Variants in PAM observed in about 807,000 individuals in gnomAD.
The protein encoded by PAM is peptidylglycine alpha-amidating monooxygenase, also known as peptidyl-glycine alpha-amidating monooxygenase.
A neutral mutation model predicts 122.1 loss-of-function variants in PAM; 72 were observed. The observed-to-expected ratio is 0.59, with a 90% CI of 0.49 to 0.72. PAM has a LOEUF of 0.72. Among genes scored for constraint, PAM ranks in the 30% least tolerant of loss-of-function variants. The pLI, the probability that PAM is intolerant of heterozygous loss-of-function variation, is 0.00. For synonymous variants in PAM, 389 were observed against 404.4 expected (o/e 0.96, Z 0.46); for missense variants, 1,106 against 1,183.7 (o/e 0.93, Z 0.96).
intron 3 of PAM, among the ~76,000 whole-genome samples, chr5:102,869,763 C>T (rs559040079): frequency 3.4e-4 from 51 of 151,938 alleles, no homozygotes; most frequent in African/African-American, 1.2e-3. Context: ...AGCTCTGATG[C>T]CGTAAGTACT....
intron 12 of PAM, among the ~76,000 whole-genome samples, chr5:102,951,203 C>T (rs187079306): frequency 2.6e-4 from 39 of 152,090 alleles, no homozygotes; most frequent in Admixed American, 2.5e-3. Context: ...CTATTAAATA[C>T]TCAGAACCAT....
At chr5:102,888,352 C>G (rs963740271) in intron 3 of PAM, among the ~76,000 whole-genome samples, 16 of 151,856 alleles carry the variant, frequency 1.1e-4, no homozygotes, top group African/African-American at 3.9e-4. Flanking sequence ...CAGTGTGTCT[C>G]CTAAAGGACT....
chr5:102,990,365 T>A lies in PAM; in HGVS notation c.1577T>A (p.Val526Glu). ...GCTCTAGACCCTAAGAATAACCTGG[T>A]GATTTTCCACAGAGGTGACCATGTC... ...GVALDPKNNL[V>E]IFHRGDHVWD... Residue 526 changes from valine (V) to glutamate (E), a missense_variant, in exon 16 of 26, where the codon GTG becomes GAG. Coordinates refer to ENST00000438793, the MANE Select transcript of PAM (RefSeq NM_001177306.2). The A allele has an allele frequency of 1.2e-6, 2 of 1,608,708 alleles. No individual in the cohort carries two copies. Among genetic ancestry groups the A allele is most frequent in the Non-Finnish European group, 1.7e-6 (2 of 1,176,312 alleles).
At chr5:102,848,327 T>C (rs983617583) in intron 1 of PAM, among the ~76,000 whole-genome samples, 1 of 152,234 alleles carries the variant, frequency 6.6e-6, no homozygotes, top group Non-Finnish European at 1.5e-5. Flanking sequence ...TATGAGATAC[T>C]GTTGGTGCCT....
chr5:102,913,195 C>T (rs902639136), intron 4 of PAM, among the ~76,000 whole-genome samples: 3 of 151,914 alleles, frequency 2.0e-5, no homozygotes, highest in Non-Finnish European at 2.9e-5. Context: ...GAGCCAAACC[C>T]ACACTAGGAA....
chr5:103,018,257 CA>C (rs778037915), intron 22 of PAM, among the ~76,000 whole-genome samples: 3 of 150,510 alleles, frequency 2.0e-5, no homozygotes, highest in African/African-American at 7.3e-5. Context: ...AGATAAAGGA[CA>C]AAAAAACAAT....
At chr5:102,810,763 G>A (rs1580415017) in intron 1 of PAM, among the ~76,000 whole-genome samples, 1 of 152,270 alleles carries the variant, frequency 6.6e-6, no homozygotes, top group East Asian at 1.9e-4. Flanking sequence ...GGGAGGCGGA[G>A]GTTGTGGTGA....
At position 102,814,499 on chromosome 5, in the gene PAM, GTCTC is replaced by G. The variant is rs141083370; in HGVS notation, c.-373-51309_-373-51306del. On this transcript the variant is annotated intron_variant, in intron 1 of 25. Coordinates refer to ENST00000438793, the MANE Select transcript of PAM (RefSeq NM_001177306.2). ...ATCTCAAGTAGTTTAAGCCAAAAGC[GTCTC>G]TCTCTCTCTCTCTCCCTCTCTCTAT... 5.6e-3 allele frequency among the ~76,000 whole-genome samples: 806 copies of G among 144,338 alleles called. 8 individuals carry two copies. Among genetic ancestry groups the G allele is most frequent in the African/African-American group, 0.019 (751 of 39,070 alleles). The allele number at this position is 144,338 out of a possible 152,430, so 94.7% of individuals were successfully genotyped here.
chr5:102,922,565 A>C (rs1747804747), intron 5 of PAM, among the ~76,000 whole-genome samples: 1 of 152,196 alleles, frequency 6.6e-6, no homozygotes, highest in Non-Finnish European at 1.5e-5. Context: ...CATTTGAACG[A>C]TTTTGAGCCA....
chr5:102,834,862 G>T (rs1776508784), intron 1 of PAM, among the ~76,000 whole-genome samples: 1 of 150,184 alleles, frequency 6.7e-6, no homozygotes, highest in East Asian at 1.9e-4. Context: ...AGATTGTAAG[G>T]TACCAACGGC....
At chr5:103,002,438 T>A (rs1429984605) in intron 16 of PAM, among the ~76,000 whole-genome samples, 1 of 152,168 alleles carries the variant, frequency 6.6e-6, no homozygotes, top group Non-Finnish European at 1.5e-5. Context: ...GTAAGTTTTA[T>A]GCCTCTAAGC....
At chr5:102,887,231 GGTGA>G (rs889233246) in intron 3 of PAM, among the ~76,000 whole-genome samples, 1 of 151,944 alleles carries the variant, frequency 6.6e-6, no homozygotes, top group African/African-American at 2.4e-5. Context: ...CTCACATGGG[GGTGA>G]GTGAGAATGG....
At chr5:103,008,297 T>A (rs187461652) in intron 20 of PAM, among the ~76,000 whole-genome samples, 17 of 152,176 alleles carry the variant, frequency 1.1e-4, no homozygotes, top group East Asian at 5.8e-4. Context: ...ACAATTTTTT[T>A]AAATTGTAAT....
chr5:102,991,916 G>GA (rs1394249379), intron 16 of PAM, among the ~76,000 whole-genome samples: 2 of 152,206 alleles, frequency 1.3e-5, no homozygotes, highest in East Asian at 3.9e-4. Flanking sequence ...TACCAGAGGA[G>GA]AAAATTACAG....
rs530199387 is a variant in PAM at position 102,984,015 on chromosome 5, C to T, written c.1484-6257C>T. Among the ~76,000 whole-genome samples, 5 of 152,198 alleles carry T rather than the reference C, an allele frequency of 3.3e-5. No homozygotes were observed. In the South Asian group the frequency reaches 1.0e-3, roughly 32 times the overall value. On this transcript the variant is annotated intron_variant, in intron 15 of 25. Coordinates refer to ENST00000438793, the MANE Select transcript of PAM (RefSeq NM_001177306.2). ...CCTACAACAAATGCATAAAGAAGTC[C>T]AGATTTTACCTCTATAAGCAAAACA...
intron 1 of PAM, among the ~76,000 whole-genome samples, chr5:102,841,967 T>C (rs968530684): frequency 1.4e-4 from 22 of 152,130 alleles, no homozygotes; most frequent in African/African-American, 4.6e-4. Context: ...CTGGATAGAA[T>C]TTAATACGGC....
intron 16 of PAM, among the ~76,000 whole-genome samples, chr5:102,997,364 T>C (rs1776036755): frequency 6.6e-6 from 1 of 151,944 alleles, no homozygotes; most frequent in African/African-American, 2.4e-5. Context: ...CAACAAAAAA[T>C]AAATTATCTA....
chr5:102,952,693 A>G (rs1030720233), intron 12 of PAM, among the ~76,000 whole-genome samples: 1 of 152,206 alleles, frequency 6.6e-6, no homozygotes, highest in Non-Finnish European at 1.5e-5. Flanking sequence ...TTTTAGACAA[A>G]TAACAACAGC....
At chr5:102,864,631 A>G (rs1200057369) in intron 1 of PAM, 1 of 152,148 alleles carries the variant, frequency 6.6e-6, no homozygotes, top group Non-Finnish European at 1.5e-5. Flanking sequence ...GATTAGCTTC[A>G]CTATCTTGTG....
Sources: allele counts gnomAD v4.1 joint callset (sites outside exome capture counted in the v4.1 genomes callset), GRCh38; gene constraint gnomAD v4.1.1; transcripts MANE v1.5; gene names NCBI Gene and HGNC (gene_info 2026-07-23, HGNC 2026-07-21).